Variants in SMARCC1 observed in about 807,000 individuals in gnomAD.
SMARCC1 encodes the protein SWI/SNF complex subunit SMARCC1.
In SMARCC1, 43 loss-of-function variants were observed where a neutral mutation model predicts 147.4. That is an observed-to-expected ratio of 0.29 (90% CI 0.23 to 0.38). SMARCC1 has a LOEUF of 0.38. Ranked by LOEUF, SMARCC1 falls within the 10% of genes least tolerant of loss-of-function variation. SMARCC1 has a pLI of 1.00. For synonymous variants in SMARCC1, 495 were observed against 484.4 expected, an observed-to-expected ratio of 1.02 and a Z score of -0.29; for missense variants, 1,119 against 1,381.1, an observed-to-expected ratio of 0.81 and a Z score of 3.01.
Position 47,621,474 on chromosome 3 carries a change from A to G in SMARCC1, c.2781+733T>C, listed in dbSNP as rs188450461. Among the ~76,000 whole-genome samples, 1,164 of 152,310 alleles carry G rather than the reference A, an allele frequency of 7.6e-3. 9 individuals carry two copies. Among genetic ancestry groups the G allele is most frequent in the Non-Finnish European group, 0.014 (960 of 68,006 alleles). On this transcript the variant is annotated intron_variant, in intron 25 of 27. Transcript: ENST00000254480. ...TATATACTATGAAATACTACACAGCAATAAAAAAAAGAATGAAATTATGTC... is the reference window on the plus strand; with the variant it reads ...TATATACTATGAAATACTACACAGCGATAAAAAAAAGAATGAAATTATGTC...
chr3:47,781,654 C>T lies in SMARCC1; in HGVS notation c.144G>A (p.Thr48=). 1 of 1,556,820 alleles carries T rather than the reference C, an allele frequency of 6.4e-7. No individual in the cohort carries two copies. The change falls in exon 1 of 28, where the codon ACG becomes ACA. Residue 48 remains threonine (T), a synonymous_variant. Coordinates refer to ENST00000254480, the MANE Select transcript of SMARCC1 (RefSeq NM_003074.4). The stretch of plus-strand genomic sequence containing the variant: ...CCCGCACCGAATCCAGCTGGGACAC[C>T]GTCTCCGGGCTCTCCCAAAACTTGG... The part of the protein sequence containing the change: ...PATKFWESPE[T]VSQLDSVRVW...
intron 21 of SMARCC1, among the ~76,000 whole-genome samples, chr3:47,641,191 A>T (rs2033043086): frequency 6.6e-6 from 1 of 152,240 alleles, no homozygotes; most frequent in Admixed American, 6.5e-5. Context: ...CAGTCAATTA[A>T]GAAAAAGAAA....
rs185077495 is a variant in SMARCC1, at chr3:47,683,185, C to T, written c.1386-2677G>A. ...AGCCTCCTGAGTAGCTGGGAATACA[C>T]GCGCCCGCCACCACGCCCGGCTCAT... On this transcript the variant is annotated intron_variant, in intron 14 of 27. Coordinates refer to ENST00000254480, the MANE Select transcript of SMARCC1 (RefSeq NM_003074.4). 8.1e-3 allele frequency among the ~76,000 whole-genome samples: 1,228 copies of T among 152,144 alleles called. 8 individuals are homozygous for T. Among genetic ancestry groups the T allele is most frequent in the Non-Finnish European group, 0.012 (835 of 67,982 alleles).
At chr3:47,674,135 CCTTT>C (rs1176336659) in intron 18 of SMARCC1, among the ~76,000 whole-genome samples, 2 of 152,166 alleles carry the variant, frequency 1.3e-5, no homozygotes, top group African/African-American at 2.4e-5. Flanking sequence ...TCTCCTTCTG[CCTTT>C]CTGCCATTCT....
intron 1 of SMARCC1, among the ~76,000 whole-genome samples, chr3:47,780,106 T>C (rs950256405): frequency 6.6e-6 from 1 of 151,278 alleles, no homozygotes; most frequent in Admixed American, 6.6e-5. Context: ...GTAATTTTTC[T>C]AGCTGACCTT....
intron 14 of SMARCC1, among the ~76,000 whole-genome samples, chr3:47,682,252 G>A (rs1385265812): frequency 5.5e-5 from 8 of 144,530 alleles, no homozygotes; most frequent in African/African-American, 1.8e-4. Flanking sequence ...CCGATATCGC[G>A]CCACTGCACT....
chr3:47,728,009 C>G (rs910817133), intron 6 of SMARCC1, among the ~76,000 whole-genome samples: 3 of 151,750 alleles, frequency 2.0e-5, no homozygotes, highest in African/African-American at 7.3e-5. Flanking sequence ...ATCCTCCCAC[C>G]TCAGCCTCCA....
In SMARCC1 at chr3:47,626,721, C is replaced by T. The variant is rs549411202; in HGVS notation, c.2647-4380G>A. Among the ~76,000 whole-genome samples the T allele has an allele frequency of 2.6e-5, 4 of 152,282 alleles. No individual in the cohort carries two copies. The East Asian group carries it at 5.8e-4, about 22-fold the overall frequency. Reference sequence around the variant, plus strand: ...AGGCAGATCAAGACAGGCTCTCTGCCTTGCCCAATAAAAATTAGTGGTAGC... The same window carrying T: ...AGGCAGATCAAGACAGGCTCTCTGCTTTGCCCAATAAAAATTAGTGGTAGC... On this transcript the variant is annotated intron_variant, in intron 24 of 27. Coordinates refer to ENST00000254480, the MANE Select transcript of SMARCC1 (RefSeq NM_003074.4).
At chr3:47,626,285 T>C (rs2032808410) in intron 24 of SMARCC1, among the ~76,000 whole-genome samples, 1 of 151,908 alleles carries the variant, frequency 6.6e-6, no homozygotes, top group South Asian at 2.1e-4. Flanking sequence ...CAGCTGGGAT[T>C]ACAGGCGCCC....
At chr3:47,737,751 G>A (rs922005858) in intron 4 of SMARCC1, among the ~76,000 whole-genome samples, 11 of 151,830 alleles carry the variant, frequency 7.2e-5, no homozygotes, top group African/African-American at 2.7e-4. Flanking sequence ...CGCCTCCCAG[G>A]TTCACACCAT....
chr3:47,667,105 C>G (rs1338094203), intron 19 of SMARCC1, among the ~76,000 whole-genome samples: 1 of 152,074 alleles, frequency 6.6e-6, no homozygotes, highest in Non-Finnish European at 1.5e-5. Flanking sequence ...ATCACGAGGT[C>G]AGGAGATCGA....
intron 26 of SMARCC1, chr3:47,603,888 A>G: frequency 2.7e-6 from 1 of 367,196 alleles, no homozygotes; most frequent in Non-Finnish European, 5.4e-6. Context: ...AAGTTGGGAC[A>G]CTATAAGAGA....
intron 2 of SMARCC1, among the ~76,000 whole-genome samples, chr3:47,770,364 TA>T (rs2034898807): frequency 6.6e-6 from 1 of 152,090 alleles, no homozygotes; most frequent in African/African-American, 2.4e-5. Context: ...CTCACACCTA[TA>T]ATCCCAGCAC....
intron 23 of SMARCC1, among the ~76,000 whole-genome samples, chr3:47,635,684 G>A (rs1453839584): frequency 1.3e-5 from 2 of 152,218 alleles, no homozygotes; most frequent in Non-Finnish European, 1.5e-5. Flanking sequence ...TCTAGTGTCT[G>A]TAGGAAATCA....
intron 11 of SMARCC1, among the ~76,000 whole-genome samples, chr3:47,694,267 T>C (rs943780696): frequency 3.9e-5 from 6 of 152,176 alleles, no homozygotes; most frequent in African/African-American, 1.4e-4. Context: ...ACTCTAAAAA[T>C]AAAACACTGC....
chr3:47,662,399 G>A lies in SMARCC1; in HGVS notation c.2093C>T (p.Thr698Ile). Residue 698 changes from threonine (T) to isoleucine (I), a missense_variant, in exon 20 of 28, where the codon ACT becomes ATT. Physicochemically the swap from Thr to Ile is moderately conservative, Grantham distance 89. This residue lies in a region of SMARCC1 where 178 missense variants were observed against 264.6 expected (regional missense o/e 0.67). Transcript: ENST00000254480. ...FSQSGNPVMS[T>I]VAFLASVVDP... ...CACCACAGATGCCAAAAAAGCAACA[G>A]TACTCATAACTGGATTTCCTGACTG... 1 of 1,614,152 alleles carries A rather than the reference G, an allele frequency of 6.2e-7. No individual in the cohort carries two copies. Among genetic ancestry groups the A allele is most frequent in the Non-Finnish European group, 8.5e-7 (1 of 1,179,998 alleles).
At chr3:47,718,650 A>C (rs1247344846) in intron 7 of SMARCC1, among the ~76,000 whole-genome samples, 2 of 152,030 alleles carry the variant, frequency 1.3e-5, no homozygotes, top group Non-Finnish European at 2.9e-5. Context: ...ATCACCATTA[A>C]AGAATTTACT....
intron 1 of SMARCC1, among the ~76,000 whole-genome samples, chr3:47,779,517 C>G (rs1323025764): frequency 6.6e-6 from 1 of 152,186 alleles, no homozygotes; most frequent in Non-Finnish European, 1.5e-5. Context: ...CCTAGAAATA[C>G]ACTCTGGCTT....
intron 2 of SMARCC1, among the ~76,000 whole-genome samples, chr3:47,752,079 A>G (rs1399508302): frequency 1.3e-5 from 2 of 152,128 alleles, no homozygotes; most frequent in East Asian, 3.9e-4. Context: ...GCGAGACTTC[A>G]TCTCAAAAAC....
Sources: gnomAD v4.1 joint callset for allele counts (sites outside exome capture counted in the v4.1 genomes callset) on GRCh38, gnomAD v4.1.1 for gene constraint, gnomAD v4.1.1 regional missense constraint, MANE v1.5 for transcripts, NCBI Gene and HGNC (gene_info 2026-07-23, HGNC 2026-07-21) for gene names.